TMEM220: variants seen among roughly 807,000 people sequenced by gnomAD.
TMEM220 encodes the protein transmembrane protein 220.
A neutral mutation model predicts 21.7 loss-of-function variants in TMEM220; 21 were observed. The ratio of observed to expected loss-of-function variants is 0.97; its 90% CI spans 0.69 to 1.39. TMEM220 has a LOEUF of 1.39. TMEM220 is among the 40% of genes most tolerant of loss of function. The pLI is 0.00. For synonymous variants in TMEM220, 80 were observed against 73.6 expected, an observed-to-expected ratio of 1.09 and a Z score of -0.45; for missense variants, 191 against 201.9, an observed-to-expected ratio of 0.95 and a Z score of 0.33.
Position 10,725,682 on chromosome 17 carries a change from G to A in TMEM220, c.163+522C>T, listed in dbSNP as rs1274401157. On this transcript the variant is annotated intron_variant, in intron 3 of 5. Transcript: ENST00000341871. ...AGAGGTGGAGAGAAGGTAAAGTTCC[G>A]AGTCCACCAGTCTGAAGCCAGCACC... 5.7e-4 allele frequency among the ~76,000 whole-genome samples: 87 copies of A among 152,172 alleles called. 1 individual carries two copies. The highest frequency in any genetic ancestry group is 1.2e-4 in the Non-Finnish European group (8 of 68,024).
At chr17:10,716,515 C>T in intron 5 of TMEM220, 2 of 636,166 alleles carry the variant, frequency 3.1e-6, no homozygotes. Flanking sequence ...CTCTTCATGG[C>T]TTGCAAAAGA....
In TMEM220 at chr17:10,729,768, C is replaced by T. The variant is rs1057006583; in HGVS notation, c.72+12G>A. 1 of 1,362,420 alleles carries T rather than the reference C, an allele frequency of 7.3e-7. No individual in the cohort carries two copies. The highest frequency in any genetic ancestry group is 9.5e-7 in the Non-Finnish European group (1 of 1,053,454). 84.4% of individuals were successfully genotyped at this position (1,362,420 alleles called of 1,614,324 possible). ...AGCCGGGCGGGTCCCCCTCCCACCG[C>T]GGCCGCCTGACCTGCACCAAGGCCG... On this transcript the variant is annotated intron_variant, in intron 1 of 5. Transcript: ENST00000341871.
At position 10,723,303 on chromosome 17, in the gene TMEM220, G is replaced by T; in HGVS notation, c.314C>A (p.Thr105Lys). 1.2e-6 allele frequency: 2 copies of T among 1,614,042 alleles called. No individual in the cohort carries two copies. Among genetic ancestry groups the T allele is most frequent in the Non-Finnish European group, 1.7e-6 (2 of 1,179,972 alleles). The change falls in exon 5 of 6, where the codon ACA becomes AAA. Residue 105 changes from threonine (T) to lysine (K), a missense_variant. Thr to Lys is a moderately conservative substitution (Grantham distance 78). Coordinates refer to ENST00000341871, the MANE Select transcript of TMEM220 (RefSeq NM_001004313.3). The part of the protein sequence containing the change: ...GRELSGLVII[T>K]AWIILCHSSS... ...ACTGTGGCACAGGATAATCCATGCTGTAATAATCACCAGACCAGACAGCTC... is the reference window on the plus strand; with the variant it reads ...ACTGTGGCACAGGATAATCCATGCTTTAATAATCACCAGACCAGACAGCTC...
At chr17:10,717,820 G>C (rs181658158) in intron 5 of TMEM220, among the ~76,000 whole-genome samples, 1 of 151,676 alleles carries the variant, frequency 6.6e-6, no homozygotes, top group Non-Finnish European at 1.5e-5. Context: ...TTATGAACTC[G>C]ATTTTTTTTT....
At chr17:10,722,133 C>T (rs1230254668) in intron 5 of TMEM220, among the ~76,000 whole-genome samples, 5 of 152,150 alleles carry the variant, frequency 3.3e-5, no homozygotes, top group African/African-American at 1.2e-4. Context: ...GCTGGGATTA[C>T]AGGTGACCAA....
At chr17:10,722,303 G>A (rs1190818534) in intron 5 of TMEM220, among the ~76,000 whole-genome samples, 1 of 151,952 alleles carries the variant, frequency 6.6e-6, no homozygotes, top group Non-Finnish European at 1.5e-5. Context: ...CCTAGAGTTG[G>A]GTTTTTAATC....
chr17:10,725,253 G>A, intron 3 of TMEM220, 119 bp from the exon 4 acceptor site: 1 of 1,348,962 alleles, frequency 7.4e-7, no homozygotes, highest in Non-Finnish European at 1.0e-6. Context: ...GACTCCCTCA[G>A]CCCCATCGCC....
intron 2 of TMEM220, 124 bp downstream of exon 2, chr17:10,728,907 G>C (rs2075085068): frequency 9.6e-7 from 1 of 1,046,656 alleles, no homozygotes; most frequent in Non-Finnish European, 1.5e-6. Context: ...CTTCCCAAGG[G>C]TTTGATTTTT....
intron 2 of TMEM220, among the ~76,000 whole-genome samples, chr17:10,727,362 AGAT>A (rs1597534001): frequency 1.3e-5 from 2 of 152,088 alleles, no homozygotes; most frequent in East Asian, 3.9e-4. Context: ...AGGAACAGAG[AGAT>A]GATAAAGATG....
In TMEM220 at chr17:10,723,283, G is replaced by A. The variant is rs2075013613; in HGVS notation, c.334C>T (p.His112Tyr). Residue 112 changes from histidine to tyrosine, a missense_variant, in exon 5 of 6, where the codon CAC becomes TAC. Physicochemically the swap from His to Tyr is moderately conservative, Grantham distance 83. Transcript: ENST00000341871. ...VIITAWIILC[H>Y]SSSKNPVGGR... ...TTGAATACTTACTTTGAGGAACTGTGGCACAGGATAATCCATGCTGTAATA... is the reference window on the plus strand; with the variant it reads ...TTGAATACTTACTTTGAGGAACTGTAGCACAGGATAATCCATGCTGTAATA... The A allele has an allele frequency of 6.2e-7, 1 of 1,613,918 alleles. No homozygotes were observed. The highest frequency in any genetic ancestry group is 1.3e-5 in the African/African-American group (1 of 74,878).
chr17:10,721,628 GAAA>G (rs1406027297), intron 5 of TMEM220, among the ~76,000 whole-genome samples: 1 of 52,796 alleles, frequency 1.9e-5, no homozygotes, highest in Non-Finnish European at 3.6e-5. Flanking sequence ...AAGAAAAAAA[GAAA>G]AAAAAGAAAA....
intron 5 of TMEM220, among the ~76,000 whole-genome samples, chr17:10,722,642 T>C (rs948424276): frequency 6.6e-6 from 1 of 152,224 alleles, no homozygotes; most frequent in African/African-American, 2.4e-5. Context: ...TTGTCATGTA[T>C]TTCTATCCTG....
intron 4 of TMEM220, among the ~76,000 whole-genome samples, chr17:10,724,121 T>G (rs1250252850): frequency 6.6e-6 from 1 of 152,218 alleles, no homozygotes; most frequent in Non-Finnish European, 1.5e-5. Flanking sequence ...ATTTTGTTGT[T>G]GGCAGATGGC....
At chr17:10,721,604 C>CAAAAAAAAAA (rs1194075248) in intron 5 of TMEM220, among the ~76,000 whole-genome samples, 2 of 35,814 alleles carry the variant, frequency 5.6e-5, no homozygotes, top group Non-Finnish European at 9.9e-5. Context: ...GACTCTGTCT[C>CAAAAAAAAAA]AAAAAAAAAA....
chr17:10,720,981 G>C (rs941626048), intron 5 of TMEM220, among the ~76,000 whole-genome samples: 1 of 152,188 alleles, frequency 6.6e-6, no homozygotes, highest in Non-Finnish European at 1.5e-5. Flanking sequence ...CTCTGAATTT[G>C]AGTAGTTAGT....
intron 5 of TMEM220, chr17:10,715,896 C>A: frequency 5.9e-6 from 2 of 339,754 alleles, no homozygotes; most frequent in Non-Finnish European, 5.3e-6. Flanking sequence ...TTTCCCTCAC[C>A]AAGGTTTTGA....
intron 2 of TMEM220, among the ~76,000 whole-genome samples, chr17:10,727,880 G>T (rs1308788215): frequency 1.3e-5 from 2 of 152,176 alleles, no homozygotes; most frequent in East Asian, 1.9e-4. Flanking sequence ...GATATTTAGA[G>T]CCGGGCGCGG....
Position 10,714,109 on chromosome 17 carries a change from T to A in TMEM220, c.*1344A>T, listed in dbSNP as rs1034927353. On this transcript the variant is annotated 3_prime_UTR_variant, in exon 6 of 6. Coordinates refer to ENST00000341871, the MANE Select transcript of TMEM220 (RefSeq NM_001004313.3). Reference sequence around the variant, plus strand: ...AAACAGATAAAATCAACTTTAATAGTATATTTAACCCATTATAGCCAAAAT... The same window carrying A: ...AAACAGATAAAATCAACTTTAATAGAATATTTAACCCATTATAGCCAAAAT... 1.3e-5 allele frequency: 2 copies of A among 152,212 alleles called. No homozygotes were observed. The highest frequency in any genetic ancestry group is 4.8e-5 in the African/African-American group (2 of 41,460). 9.4% of individuals were successfully genotyped at this position (152,212 alleles called of 1,614,324 possible).
chr17:10,720,811 A>T (rs1332655765), intron 5 of TMEM220, among the ~76,000 whole-genome samples: 1 of 152,094 alleles, frequency 6.6e-6, no homozygotes, highest in Non-Finnish European at 1.5e-5. Flanking sequence ...AAACAAGAGA[A>T]CCTGTTTTCA....
Sources: gnomAD v4.1 joint callset for allele counts (sites outside exome capture counted in the v4.1 genomes callset) on GRCh38, gnomAD v4.1.1 for gene constraint, MANE v1.5 for transcripts, NCBI Gene and HGNC (gene_info 2026-07-23, HGNC 2026-07-21) for gene names.